The following NEK4 variants were observed in gnomAD, a reference collection of about 807,000 sequenced individuals.
The protein encoded by NEK4 is NIMA related kinase 4, also known as serine/threonine-protein kinase Nek4.
NEK4 carries 86 observed loss-of-function variants against 98.4 expected under a neutral mutation model. The ratio of observed to expected loss-of-function variants is 0.87; its 90% CI spans 0.73 to 1.05. The LOEUF (loss-of-function observed/expected upper bound fraction) is 1.05. NEK4 is among the 50% of genes least tolerant of loss of function. NEK4 has a pLI of 0.00. For synonymous variants in NEK4, 328 were observed against 342.2 expected, an observed-to-expected ratio of 0.96 and a Z score of 0.46; for missense variants, 898 against 950.3, an observed-to-expected ratio of 0.94 and a Z score of 0.72.
chr3:52,770,312 G>C (rs953562162), intron 1 of NEK4, among the ~76,000 whole-genome samples: 12 of 151,928 alleles, frequency 7.9e-5, no homozygotes, highest in Admixed American at 3.9e-4. Context: ...CGGCTCTCAT[G>C]AGAGTATCGG....
intron 15 of NEK4, among the ~76,000 whole-genome samples, chr3:52,726,543 G>A (rs1578629878): frequency 1.3e-5 from 2 of 149,576 alleles, no homozygotes; most frequent in East Asian, 4.0e-4. Flanking sequence ...AGCTTGCAGT[G>A]AGCTGAGATC....
At chr3:52,765,851 G>T in intron 4 of NEK4, 36 bp downstream of exon 4, 1 of 1,290,392 alleles carries the variant, frequency 7.7e-7, no homozygotes, top group Non-Finnish European at 1.1e-6. Flanking sequence ...CTGCACTATA[G>T]AAATACTGGT....
intron 6 of NEK4, among the ~76,000 whole-genome samples, chr3:52,755,498 T>TA (rs774068577): frequency 1.1e-4 from 16 of 151,306 alleles, no homozygotes; most frequent in African/African-American, 3.1e-4. Context: ...TTTTCATGAT[T>TA]AAAAAAAAAT....
intron 15 of NEK4, among the ~76,000 whole-genome samples, chr3:52,736,735 GT>G (rs1337026671): frequency 6.8e-6 from 1 of 147,318 alleles, no homozygotes; most frequent in Non-Finnish European, 1.5e-5. Flanking sequence ...TAAAAATGTT[GT>G]GAATTACCAA....
intron 6 of NEK4, among the ~76,000 whole-genome samples, chr3:52,758,640 G>T (rs773837669): frequency 3.4e-5 from 5 of 149,114 alleles, no homozygotes; most frequent in Non-Finnish European, 7.4e-5. Flanking sequence ...AAAAACAAAA[G>T]AAATTTTTAA....
At chr3:52,725,307 C>A (rs1052495943) in intron 15 of NEK4, among the ~76,000 whole-genome samples, 1 of 151,842 alleles carries the variant, frequency 6.6e-6, no homozygotes, top group South Asian at 2.1e-4. Flanking sequence ...GTCAGGAGAT[C>A]GAGACCATCC....
Position 52,762,614 on chromosome 3 carries a change from G to T in NEK4, c.821+856C>A, listed in dbSNP as rs553895027. On this transcript the variant is annotated intron_variant, in intron 5 of 15. Coordinates refer to ENST00000233027, the MANE Select transcript of NEK4 (RefSeq NM_003157.6). ...GGCATAAAGATTATTTTGGGCTAAG[G>T]TTCTTTAAAAAGTAAGTGCAAGCTT... is the stretch of plus-strand genomic sequence containing the variant. Among the ~76,000 whole-genome samples, 145 of 152,304 alleles carry T rather than the reference G, an allele frequency of 9.5e-4. 1 individual carries two copies. Among genetic ancestry groups the T allele is most frequent in the African/African-American group, 3.2e-3 (132 of 41,576 alleles).
intron 15 of NEK4, among the ~76,000 whole-genome samples, chr3:52,726,883 GAC>G (rs1207215859): frequency 2.6e-5 from 4 of 151,630 alleles, no homozygotes; most frequent in Admixed American, 2.0e-4. Flanking sequence ...CAGCCTGGGT[GAC>G]AGAGCGAGAC....
chr3:52,736,664 A>T (rs900103519), intron 15 of NEK4, among the ~76,000 whole-genome samples: 3 of 151,716 alleles, frequency 2.0e-5, no homozygotes, highest in African/African-American at 7.3e-5. Flanking sequence ...CCCAACTAGC[A>T]CTTCATTCTT....
At chr3:52,758,178 C>CAAAAAAAAAAAAAAAAAAAA in intron 6 of NEK4, among the ~76,000 whole-genome samples, 1 of 62,780 alleles carries the variant, frequency 1.6e-5, no homozygotes, top group Non-Finnish European at 2.8e-5. Context: ...GACACCATCT[C>CAAAAAAAAAAAAAAAAAAAA]AAAAAAAAAA....
chr3:52,731,935 G>A (rs1327281647), intron 15 of NEK4, among the ~76,000 whole-genome samples: 1 of 152,192 alleles, frequency 6.6e-6, no homozygotes, highest in African/African-American at 2.4e-5. Context: ...AGTCTCACGA[G>A]ATCTGACGGT....
intron 15 of NEK4, among the ~76,000 whole-genome samples, chr3:52,714,569 G>A (rs1159851974): frequency 6.6e-6 from 1 of 152,212 alleles, no homozygotes; most frequent in Non-Finnish European, 1.5e-5. Flanking sequence ...AGGGCAAGGG[G>A]AGGAAGCAGA....
At chr3:52,740,225 A>G (rs1460141155) in intron 13 of NEK4, among the ~76,000 whole-genome samples, 1 of 152,204 alleles carries the variant, frequency 6.6e-6, no homozygotes, top group Non-Finnish European at 1.5e-5. Flanking sequence ...ATCAGTTAAT[A>G]GAAACATATC....
chr3:52,744,972 G>C (rs57488900), intron 10 of NEK4, among the ~76,000 whole-genome samples: 1 of 151,728 alleles, frequency 6.6e-6, no homozygotes, highest in Non-Finnish European at 1.5e-5. Context: ...CTGGAGTGCA[G>C]TGGCCCTATC....
intron 7 of NEK4, among the ~76,000 whole-genome samples, chr3:52,751,128 T>C (rs1160443544): frequency 2.6e-5 from 4 of 151,598 alleles, no homozygotes; most frequent in Admixed American, 6.6e-5. Flanking sequence ...CTGACCAACA[T>C]GAAGAAACCC....
intron 15 of NEK4, chr3:52,733,194 T>C (rs1277245047): frequency 9.1e-6 from 2 of 218,794 alleles, no homozygotes; most frequent in South Asian, 9.0e-5. Flanking sequence ...AGATAAACTT[T>C]ACAAATGCAG....
rs571978058 is a variant in NEK4 at position 52,764,149 on chromosome 3, T to C, written c.667-525A>G. 1.3e-3 allele frequency among the ~76,000 whole-genome samples: 192 copies of C among 151,730 alleles called. 2 individuals are homozygous for C. The highest frequency in any genetic ancestry group is 4.4e-3 in the African/African-American group (181 of 41,320). On this transcript the variant is annotated intron_variant, in intron 4 of 15. Transcript: ENST00000233027. ...AAAATACAAAAAAATTAGCTGGGCGTGGTGGCATGCACCTGTAATCCCAGT... is the reference window on the plus strand; with the variant it reads ...AAAATACAAAAAAATTAGCTGGGCGCGGTGGCATGCACCTGTAATCCCAGT...
chr3:52,747,054 T>C (rs746837390), intron 8 of NEK4, 150 bp from the exon 9 acceptor site: 33 of 622,892 alleles, frequency 5.3e-5, no homozygotes, highest in Non-Finnish European at 7.8e-5. Context: ...CAATTTAGTG[T>C]TACATGGAAG....
chr3:52,738,163 G>C (rs1210929101), intron 14 of NEK4, among the ~76,000 whole-genome samples: 1 of 151,560 alleles, frequency 6.6e-6, no homozygotes, highest in Non-Finnish European at 1.5e-5. Context: ...GGGATGTAGT[G>C]CAGTGTGACC....
Sources: gnomAD v4.1 joint callset for allele counts (sites outside exome capture counted in the v4.1 genomes callset) on GRCh38, gnomAD v4.1.1 for gene constraint, MANE v1.5 for transcripts, NCBI Gene and HGNC (gene_info 2026-07-23, HGNC 2026-07-21) for gene names.